Variants in NRCAM observed in about 807,000 individuals in gnomAD.
NRCAM encodes the protein neuronal cell adhesion molecule.
In NRCAM, 83 loss-of-function variants were observed where a neutral mutation model predicts 156.5. That is an observed-to-expected ratio of 0.53 (90% CI 0.44 to 0.64). NRCAM has a LOEUF of 0.64. Among genes scored for constraint, NRCAM ranks in the 30% least tolerant of loss-of-function variants. NRCAM has a pLI of 0.00. For synonymous variants in NRCAM, 538 were observed against 563.9 expected (o/e 0.95, Z 0.65); for missense variants, 1,417 against 1,597.3 (o/e 0.89, Z 1.92).
At chr7:108,204,976 TTATGAGTG>T (rs553464929) in intron 13 of NRCAM, among the ~76,000 whole-genome samples, 205 of 152,274 alleles carry the variant, frequency 1.3e-3, no homozygotes, top group African/African-American at 4.5e-3. Flanking sequence ...TGTTATTATG[TTATGAGTG>T]TATTTTCAAA....
At chr7:108,201,051 G>T (rs1022212093) in intron 13 of NRCAM, among the ~76,000 whole-genome samples, 1 of 151,928 alleles carries the variant, frequency 6.6e-6, no homozygotes, top group Non-Finnish European at 1.5e-5. Flanking sequence ...CTGCTCGGGT[G>T]GCCGGTGCAC....
In NRCAM at chr7:108,192,168, C is replaced by T. The variant is rs996788265; in HGVS notation, c.1779-315G>A. On this transcript the variant is annotated intron_variant, in intron 17 of 32. Coordinates refer to ENST00000379028, the MANE Select transcript of NRCAM (RefSeq NM_001037132.4). ...TTAGGAACTGGGCTGCAGAGGGGAC[C>T]GCTGCTCTAGAGGGTGTGGTAGGAG... is the stretch of plus-strand genomic sequence containing the variant. Among the ~76,000 whole-genome samples the T allele has an allele frequency of 2.6e-5, 4 of 152,116 alleles. 1 individual carries two copies. Among genetic ancestry groups the T allele is most frequent in the African/African-American group, 9.7e-5 (4 of 41,418 alleles).
At chr7:108,417,792 G>A (rs1803567803) in intron 1 of NRCAM, among the ~76,000 whole-genome samples, 1 of 151,652 alleles carries the variant, frequency 6.6e-6, no homozygotes, top group Non-Finnish European at 1.5e-5. Flanking sequence ...GCAAGTTACA[G>A]AGGTGACACT....
At chr7:108,310,519 G>A (rs149027030) in intron 3 of NRCAM, among the ~76,000 whole-genome samples, 1 of 152,170 alleles carries the variant, frequency 6.6e-6, no homozygotes, top group Non-Finnish European at 1.5e-5. Context: ...GCAAACCACA[G>A]TCCACAATTC....
At chr7:108,226,985 T>C (rs1404129713) in intron 8 of NRCAM, among the ~76,000 whole-genome samples, 1 of 152,202 alleles carries the variant, frequency 6.6e-6, no homozygotes, top group Non-Finnish European at 1.5e-5. Context: ...AACCTGCCCC[T>C]CACAAGCCTC....
rs1460634619 is a variant in NRCAM at position 108,176,274 on chromosome 7, A to ATAGC, written c.3151+152_3151+155dup. On this transcript the variant is annotated intron_variant, in intron 27 of 32. Coordinates refer to ENST00000379028, the MANE Select transcript of NRCAM (RefSeq NM_001037132.4). The stretch of plus-strand genomic sequence containing the variant: ...AAAATATCAGTCCAATATGAACTAA[A>ATAGC]TAGCTGATTATATATCAGAATGAGA... The ATAGC allele has an allele frequency of 1.9e-5, 12 of 643,412 alleles. No homozygotes were observed. In the African/African-American group the frequency reaches 2.2e-4, roughly 12 times the overall value. The allele number at this position is 643,412 out of a possible 1,614,324, so 39.9% of individuals were successfully genotyped here.
chr7:108,368,812 G>C (rs995876097), intron 2 of NRCAM, among the ~76,000 whole-genome samples: 2 of 152,090 alleles, frequency 1.3e-5, no homozygotes, highest in African/African-American at 4.8e-5. Context: ...CATTAATGTT[G>C]ATAAAACTGG....
chr7:108,297,314 A>G (rs1168956568), intron 3 of NRCAM, among the ~76,000 whole-genome samples: 2 of 152,250 alleles, frequency 1.3e-5, no homozygotes, highest in African/African-American at 4.8e-5. Flanking sequence ...TTCCAACTCT[A>G]CCTCCGCATT....
At chr7:108,216,197 C>G (rs1245044078) in intron 11 of NRCAM, among the ~76,000 whole-genome samples, 2 of 152,106 alleles carry the variant, frequency 1.3e-5, no homozygotes, top group Non-Finnish European at 2.9e-5. Flanking sequence ...ATATGAAATT[C>G]TGGGTTGAAA....
intron 2 of NRCAM, among the ~76,000 whole-genome samples, chr7:108,393,230 G>A (rs911507545): frequency 6.6e-5 from 10 of 152,098 alleles, no homozygotes; most frequent in East Asian, 1.9e-4. Flanking sequence ...CGAGCTTCCC[G>A]GCAGCTTTGT....
chr7:108,231,919 A>C (rs538999029), intron 7 of NRCAM, among the ~76,000 whole-genome samples: 1 of 152,292 alleles, frequency 6.6e-6, no homozygotes, highest in East Asian at 1.9e-4. Flanking sequence ...AGGACACTCC[A>C]CTTCCAGTAA....
At chr7:108,340,450 A>G (rs1249272544) in intron 2 of NRCAM, among the ~76,000 whole-genome samples, 1 of 152,158 alleles carries the variant, frequency 6.6e-6, no homozygotes, top group Non-Finnish European at 1.5e-5. Context: ...GCTAAATCAG[A>G]CACTAACCCC....
At chr7:108,343,449 A>T (rs913113725) in intron 2 of NRCAM, among the ~76,000 whole-genome samples, 1 of 152,178 alleles carries the variant, frequency 6.6e-6, no homozygotes, top group Non-Finnish European at 1.5e-5. Flanking sequence ...AGGAAAGGGA[A>T]ATAGAAGGGA....
At chr7:108,317,376 C>CA (rs2098939898) in intron 2 of NRCAM, among the ~76,000 whole-genome samples, 1 of 152,040 alleles carries the variant, frequency 6.6e-6, no homozygotes, top group South Asian at 2.1e-4. Context: ...AGCAGTAGAG[C>CA]AAAATTGATT....
intron 6 of NRCAM, among the ~76,000 whole-genome samples, chr7:108,233,453 C>A (rs2094551432): frequency 6.6e-6 from 1 of 152,140 alleles, no homozygotes; most frequent in Admixed American, 6.5e-5. Flanking sequence ...ACACTTCCAT[C>A]CCCCAAACAA....
At chr7:108,227,097 A>C (rs1276912314) in intron 8 of NRCAM, among the ~76,000 whole-genome samples, 1 of 152,064 alleles carries the variant, frequency 6.6e-6, no homozygotes, top group African/African-American at 2.4e-5. Context: ...CTTATTGCCT[A>C]TTTCCTGCAC....
chr7:108,439,276 G>C (rs1424416504), intron 1 of NRCAM, among the ~76,000 whole-genome samples: 1 of 152,030 alleles, frequency 6.6e-6, no homozygotes, highest in Non-Finnish European at 1.5e-5. Flanking sequence ...TTCCCTCAAA[G>C]GGCATATCAA....
At chr7:108,428,046 G>A (rs1191629587) in intron 1 of NRCAM, among the ~76,000 whole-genome samples, 4 of 152,154 alleles carry the variant, frequency 2.6e-5, no homozygotes, top group Admixed American at 2.0e-4. Context: ...TGACAAATGG[G>A]CTTTGTGATG....
At chr7:108,389,475 T>G (rs2099752630) in intron 2 of NRCAM, among the ~76,000 whole-genome samples, 1 of 152,260 alleles carries the variant, frequency 6.6e-6, no homozygotes, top group African/African-American at 2.4e-5. Flanking sequence ...TGGGGTTTTC[T>G]AAGTATACAA....
Sources: gnomAD v4.1 joint callset for allele counts (sites outside exome capture counted in the v4.1 genomes callset) on GRCh38, gnomAD v4.1.1 for gene constraint, MANE v1.5 for transcripts, NCBI Gene and HGNC (gene_info 2026-07-23, HGNC 2026-07-21) for gene names.